MTHFD1L: variants seen among roughly 807,000 people sequenced by gnomAD.
MTHFD1L encodes the protein methylenetetrahydrofolate dehydrogenase (NADP+ dependent) 1 like.
A neutral mutation model predicts 119.5 loss-of-function variants in MTHFD1L; 81 were observed. The observed-to-expected ratio is 0.68, with a 90% CI of 0.57 to 0.82. MTHFD1L has a LOEUF of 0.82. Among genes scored for constraint, MTHFD1L ranks in the 40% least tolerant of loss-of-function variants. The pLI is 0.00. For synonymous variants in MTHFD1L, 430 were observed against 475.2 expected (o/e 0.90, Z 1.24); for missense variants, 1,125 against 1,253.4 (o/e 0.90, Z 1.55).
intron 4 of MTHFD1L, among the ~76,000 whole-genome samples, chr6:150,878,154 C>T (rs779568472): frequency 6.6e-5 from 10 of 152,142 alleles, no homozygotes; most frequent in South Asian, 2.1e-4. Flanking sequence ...TGCCAGGGCC[C>T]GGCCCTTCTG....
chr6:150,899,786 A>G (rs998141090), intron 7 of MTHFD1L, among the ~76,000 whole-genome samples: 5 of 151,974 alleles, frequency 3.3e-5, no homozygotes, highest in Non-Finnish European at 5.9e-5. Flanking sequence ...AGCCTGACCA[A>G]CATGGGGAAA....
intron 24 of MTHFD1L, among the ~76,000 whole-genome samples, chr6:151,024,849 A>T (rs1784412803): frequency 6.6e-6 from 1 of 151,856 alleles, no homozygotes; most frequent in South Asian, 2.1e-4. Flanking sequence ...GTTTTTTTTG[A>T]GCCTGGGCAA....
At chr6:151,016,306 A>G (rs952657153) in intron 24 of MTHFD1L, among the ~76,000 whole-genome samples, 13 of 151,506 alleles carry the variant, frequency 8.6e-5, no homozygotes, top group Admixed American at 6.6e-4. Flanking sequence ...TTGGGAAACC[A>G]TGGGAGGTAT....
chr6:150,870,025 C>T (rs1779132899), intron 1 of MTHFD1L, among the ~76,000 whole-genome samples: 1 of 152,336 alleles, frequency 6.6e-6, no homozygotes, highest in South Asian at 2.1e-4. Flanking sequence ...CCGCCTTGGC[C>T]TCCCAAAGTG....
chr6:151,014,033 T>C (rs1425525019), intron 22 of MTHFD1L, among the ~76,000 whole-genome samples: 1 of 152,162 alleles, frequency 6.6e-6, no homozygotes, highest in Non-Finnish European at 1.5e-5. Flanking sequence ...GCAAAACCCA[T>C]GGCCAACATG....
intron 26 of MTHFD1L, among the ~76,000 whole-genome samples, chr6:151,069,870 G>T (rs192730596): frequency 6.6e-6 from 1 of 152,182 alleles, no homozygotes; most frequent in Non-Finnish European, 1.5e-5. Flanking sequence ...GTGAGACACC[G>T]AACATGCCAT....
chr6:151,018,648 T>A (rs1337812152), intron 24 of MTHFD1L, among the ~76,000 whole-genome samples: 1 of 152,178 alleles, frequency 6.6e-6, no homozygotes, highest in South Asian at 2.1e-4. Context: ...AGCTAAGTAC[T>A]GTGCTCAAAA....
At chr6:151,042,766 C>T (rs1477464075) in intron 26 of MTHFD1L, among the ~76,000 whole-genome samples, 1 of 152,194 alleles carries the variant, frequency 6.6e-6, no homozygotes, top group Non-Finnish European at 1.5e-5. Flanking sequence ...ACTAGAAAGA[C>T]AACACCAAAA....
At chr6:150,932,816 G>GGAAGGAAAGAAGGA (rs1791325108) in intron 11 of MTHFD1L, among the ~76,000 whole-genome samples, 2 of 119,484 alleles carry the variant, frequency 1.7e-5, no homozygotes, top group Admixed American at 8.2e-5. Context: ...GAGAGGGAGG[G>GGAAGGAAAGAAGGA]AGGAAGGAAG....
intron 7 of MTHFD1L, chr6:150,898,900 T>TG: frequency 1.3e-6 from 1 of 749,760 alleles, no homozygotes; most frequent in Non-Finnish European, 1.8e-6. Flanking sequence ...TGCAGGCGCG[T>TG]GATCTAGGCT....
At chr6:151,028,488 G>A (rs1436355713) in intron 24 of MTHFD1L, among the ~76,000 whole-genome samples, 5 of 151,994 alleles carry the variant, frequency 3.3e-5, no homozygotes, top group Non-Finnish European at 5.9e-5. Context: ...TTCAGCCTTG[G>A]GAAGGACACC....
At chr6:150,954,480 G>C (rs1795316588) in intron 16 of MTHFD1L, among the ~76,000 whole-genome samples, 2 of 152,132 alleles carry the variant, frequency 1.3e-5, no homozygotes, top group African/African-American at 4.8e-5. Flanking sequence ...ATGAGGTCAG[G>C]AGTTCAAGAC....
At chr6:151,049,725 A>G (rs1277758682) in intron 26 of MTHFD1L, among the ~76,000 whole-genome samples, 1 of 151,750 alleles carries the variant, frequency 6.6e-6, no homozygotes, top group African/African-American at 2.4e-5. Context: ...AGTTCCTAGG[A>G]TGGCTCACAG....
At chr6:150,882,281 G>A (rs111363080) in intron 4 of MTHFD1L, among the ~76,000 whole-genome samples, 16 of 152,320 alleles carry the variant, frequency 1.1e-4, no homozygotes, top group Non-Finnish European at 1.8e-4. Flanking sequence ...CTGCTTGGAC[G>A]TCATGATTAG....
chr6:151,009,771 C>T (rs761373875), intron 20 of MTHFD1L, 48 bp from the exon 21 acceptor site: 4 of 1,605,968 alleles, frequency 2.5e-6, no homozygotes, highest in South Asian at 1.1e-5. Context: ...CAAAACCTAC[C>T]TTTGTTTTTA....
chr6:150,905,057 T>C (rs1048235382), intron 7 of MTHFD1L, among the ~76,000 whole-genome samples: 2 of 144,440 alleles, frequency 1.4e-5, no homozygotes, highest in Non-Finnish European at 3.1e-5. Flanking sequence ...TTTTTTTTTT[T>C]GAGACAGGGT....
intron 18 of MTHFD1L, 116 bp from the exon 19 acceptor site, chr6:150,964,853 C>A (rs925079361): frequency 9.6e-6 from 8 of 831,232 alleles, no homozygotes; most frequent in Middle Eastern, 2.4e-4. Flanking sequence ...CCCTGTGGCC[C>A]AGGGTTGCCT....
intron 4 of MTHFD1L, 98 bp downstream of exon 4, chr6:150,877,924 AT>A (rs1236038603): frequency 1.1e-5 from 16 of 1,437,746 alleles, no homozygotes; most frequent in Non-Finnish European, 1.6e-5. Context: ...CAGATCTAAG[AT>A]TTGCTTGTGA....
At chr6:151,019,582 C>T (rs536114362) in intron 24 of MTHFD1L, among the ~76,000 whole-genome samples, 1 of 152,270 alleles carries the variant, frequency 6.6e-6, no homozygotes, top group South Asian at 2.1e-4. Flanking sequence ...GGCCAGGATC[C>T]CTGCCTCCTT....
Sources: gnomAD v4.1 joint callset for allele counts (sites outside exome capture counted in the v4.1 genomes callset) on GRCh38, gnomAD v4.1.1 for gene constraint, MANE v1.5 for transcripts, NCBI Gene and HGNC (gene_info 2026-07-23, HGNC 2026-07-21) for gene names.